RPS6KC1: variants seen among roughly 807,000 people sequenced by gnomAD.
RPS6KC1 encodes inactive ribosomal protein S6 kinase delta-1.
A neutral mutation model predicts 103.8 loss-of-function variants in RPS6KC1; 54 were observed. The ratio of observed to expected loss-of-function variants is 0.52; its 90% CI spans 0.42 to 0.65. The LOEUF (loss-of-function observed/expected upper bound fraction) is 0.65, where lower values mean the gene tolerates loss of function less well. RPS6KC1 is among the 30% of genes least tolerant of loss of function. RPS6KC1 has a pLI of 0.00. For missense variants in RPS6KC1, 1,151 were observed against 1,253.8 expected (o/e 0.92, Z 1.24); for synonymous variants, 439 against 438.7 (o/e 1.00, Z -0.01).
chr1:213,635,800 A>G, the RPS6KC1 span, among the ~76,000 whole-genome samples: 2 of 152,202 alleles, frequency 1.3e-5, no homozygotes. Flanking sequence ...AATCAGGGGT[A>G]TTCAAATAGG....
the RPS6KC1 span, among the ~76,000 whole-genome samples, chr1:213,515,584 T>C: frequency 3.9e-5 from 6 of 152,242 alleles, no homozygotes; most frequent in Non-Finnish European, 8.8e-5. Context: ...GTTCCATTGA[T>C]CTATATCTCT....
chr1:213,734,089 T>C, the RPS6KC1 span, among the ~76,000 whole-genome samples: 2 of 152,196 alleles, frequency 1.3e-5, no homozygotes, highest in Admixed American at 1.3e-4. Context: ...GTGACAAAAG[T>C]GATTATTGCT....
chr1:213,077,478 T>C (rs79687672), intron 2 of RPS6KC1, among the ~76,000 whole-genome samples: 3,422 of 152,282 alleles, frequency 0.022, 136 homozygotes, highest in African/African-American at 0.077. Context: ...ATATTTTTAC[T>C]TTATTTTATT....
chr1:213,184,393 A>T (rs2092430996), intron 8 of RPS6KC1, among the ~76,000 whole-genome samples: 1 of 152,142 alleles, frequency 6.6e-6, no homozygotes, highest in East Asian at 1.9e-4. Flanking sequence ...TGAATTTATT[A>T]TTTAAATTCA....
At chr1:213,782,445 A>G in the RPS6KC1 span, among the ~76,000 whole-genome samples, 1 of 152,158 alleles carries the variant, frequency 6.6e-6, no homozygotes, top group Non-Finnish European at 1.5e-5. Flanking sequence ...GGTAAACACC[A>G]TTCCAGGGAA....
At chr1:213,742,149 C>T in the RPS6KC1 span, among the ~76,000 whole-genome samples, 1 of 152,162 alleles carries the variant, frequency 6.6e-6, no homozygotes, top group African/African-American at 2.4e-5. Context: ...ACCAAACACA[C>T]ATGCTAATAT....
At chr1:213,635,237 A>G in the RPS6KC1 span, among the ~76,000 whole-genome samples, 9 of 152,254 alleles carry the variant, frequency 5.9e-5, no homozygotes, top group South Asian at 1.5e-3. Flanking sequence ...ATTCCAATCA[A>G]TAGAAAAAGA....
At chr1:213,572,309 GA>G in the RPS6KC1 span, among the ~76,000 whole-genome samples, 1 of 152,222 alleles carries the variant, frequency 6.6e-6, no homozygotes, top group Non-Finnish European at 1.5e-5. Context: ...AATGCAGGAG[GA>G]AAATCCCAGG....
At chr1:213,654,192 T>G in the RPS6KC1 span, among the ~76,000 whole-genome samples, 1 of 152,208 alleles carries the variant, frequency 6.6e-6, no homozygotes, top group African/African-American at 2.4e-5. Context: ...CTCAAATATA[T>G]TTCTATCCCT....
At chr1:213,068,207 G>A (rs140816618) in intron 1 of RPS6KC1, among the ~76,000 whole-genome samples, 3 of 151,938 alleles carry the variant, frequency 2.0e-5, no homozygotes, top group Non-Finnish European at 4.4e-5. Context: ...TAAGAACGGC[G>A]GGGCGCAGTG....
chr1:213,624,088 G>T, the RPS6KC1 span, among the ~76,000 whole-genome samples: 8 of 151,994 alleles, frequency 5.3e-5, no homozygotes, highest in Non-Finnish European at 1.0e-4. Context: ...AACAAAAACC[G>T]CAGGGCAGAG....
intron 8 of RPS6KC1, among the ~76,000 whole-genome samples, chr1:213,217,120 G>A (rs566924331): frequency 0.027 from 4,169 of 151,660 alleles, 99 homozygotes; most frequent in Middle Eastern, 0.048. Flanking sequence ...TTGATAGACA[G>A]CTAGCAAGAC....
chr1:213,405,724 G>A, the RPS6KC1 span, among the ~76,000 whole-genome samples: 2 of 152,196 alleles, frequency 1.3e-5, no homozygotes, highest in African/African-American at 2.4e-5. Context: ...ACTGAGGTTC[G>A]GGAGACTTGT....
At chr1:213,366,247 T>C in the RPS6KC1 span, among the ~76,000 whole-genome samples, 1 of 151,954 alleles carries the variant, frequency 6.6e-6, no homozygotes, top group African/African-American at 2.4e-5. Context: ...TCATCTGTAA[T>C]GCCCTCTACC....
chr1:213,054,528 A>C (rs1269919339), intron 1 of RPS6KC1, among the ~76,000 whole-genome samples: 1 of 152,196 alleles, frequency 6.6e-6, no homozygotes, highest in Non-Finnish European at 1.5e-5. Flanking sequence ...AAAATTAAGA[A>C]TGTCTTCTGT....
the RPS6KC1 span, among the ~76,000 whole-genome samples, chr1:213,479,101 T>C: frequency 6.6e-6 from 1 of 152,144 alleles, no homozygotes; most frequent in Non-Finnish European, 1.5e-5. Flanking sequence ...ACTTATTTAA[T>C]ATATTCTATC....
At chr1:213,206,915 A>T (rs1169921041) in intron 8 of RPS6KC1, among the ~76,000 whole-genome samples, 1 of 152,176 alleles carries the variant, frequency 6.6e-6, no homozygotes, top group African/African-American at 2.4e-5. Flanking sequence ...GTTTGAGACC[A>T]GCGTGGCCAG....
the RPS6KC1 span, among the ~76,000 whole-genome samples, chr1:213,694,542 G>C: frequency 6.6e-6 from 1 of 152,136 alleles, no homozygotes; most frequent in Non-Finnish European, 1.5e-5. Context: ...CACATGACAA[G>C]AGTCACCAAC....
the RPS6KC1 span, among the ~76,000 whole-genome samples, chr1:213,407,368 G>C: frequency 6.6e-6 from 1 of 152,098 alleles, no homozygotes; most frequent in Non-Finnish European, 1.5e-5. Flanking sequence ...CCTAGATTTT[G>C]CTCATTCCCT....
Sources: allele counts gnomAD v4.1 joint callset (sites outside exome capture counted in the v4.1 genomes callset), GRCh38; gene constraint gnomAD v4.1.1; transcripts MANE v1.5; gene names NCBI Gene and HGNC (gene_info 2026-07-23, HGNC 2026-07-21).